The following MGAT4C variants were observed in gnomAD, a reference collection of about 807,000 sequenced individuals.
MGAT4C encodes the protein alpha-1,3-mannosyl-glycoprotein 4-beta-N-acetylglucosaminyltransferase C.
A neutral mutation model predicts 40.1 loss-of-function variants in MGAT4C; 19 were observed. The observed-to-expected ratio is 0.47, with a 90% CI of 0.33 to 0.70. The LOEUF is 0.70. MGAT4C is among the 30% of genes least tolerant of loss of function. The pLI, the probability that MGAT4C is intolerant of heterozygous loss-of-function variation, is 0.02. For synonymous variants in MGAT4C, 181 were observed against 187.1 expected (o/e 0.97, Z 0.27); for missense variants, 491 against 563.2 (o/e 0.87, Z 1.30).
intron 2 of MGAT4C, among the ~76,000 whole-genome samples, chr12:86,501,895 A>G (rs1323519472): frequency 6.6e-6 from 1 of 152,050 alleles, no homozygotes; most frequent in Non-Finnish European, 1.5e-5. Context: ...CTATTTCTAA[A>G]TCTTCGAGGA....
At chr12:86,083,691 C>A (rs1018395923) in intron 1 of MGAT4C, among the ~76,000 whole-genome samples, 1 of 152,026 alleles carries the variant, frequency 6.6e-6, no homozygotes, top group African/African-American at 2.4e-5. Flanking sequence ...TCAACATATC[C>A]TGGCTTATCA....
chr12:86,179,176 G>T (rs1887829677), intron 1 of MGAT4C, among the ~76,000 whole-genome samples: 1 of 152,132 alleles, frequency 6.6e-6, no homozygotes, highest in Middle Eastern at 3.2e-3. Context: ...GATCTGATGG[G>T]TTTATCAGGG....
At chr12:86,748,700 C>A (rs1356502526) in intron 1 of MGAT4C, among the ~76,000 whole-genome samples, 5 of 151,282 alleles carry the variant, frequency 3.3e-5, no homozygotes, top group Non-Finnish European at 7.4e-5. Flanking sequence ...AATTGAGTAT[C>A]CATAGAGACT....
At chr12:86,799,788 T>C (rs1016705614) in intron 1 of MGAT4C, among the ~76,000 whole-genome samples, 2 of 151,902 alleles carry the variant, frequency 1.3e-5, no homozygotes, top group African/African-American at 4.8e-5. Flanking sequence ...GTCATCAGAC[T>C]ATTAAGAACC....
intron 3 of MGAT4C, among the ~76,000 whole-genome samples, chr12:86,396,684 G>A (rs1435552772): frequency 6.6e-6 from 1 of 152,114 alleles, no homozygotes; most frequent in East Asian, 1.9e-4. Context: ...GGGGCAGGGA[G>A]TGACAAAGAT....
At chr12:86,012,724 C>T (rs994890841) in intron 2 of MGAT4C, among the ~76,000 whole-genome samples, 19 of 151,310 alleles carry the variant, frequency 1.3e-4, no homozygotes, top group African/African-American at 4.1e-4. Context: ...TGCACTGCAG[C>T]CTGGGCAGCA....
intron 2 of MGAT4C, among the ~76,000 whole-genome samples, chr12:86,554,837 T>C (rs539205541): frequency 6.6e-6 from 1 of 152,266 alleles, no homozygotes; most frequent in South Asian, 2.1e-4. Flanking sequence ...GAGTCTGAAA[T>C]GAGTCTTACT....
Position 86,298,762 on chromosome 12 carries a change from G to C in MGAT4C, c.-57+35303C>G, listed in dbSNP as rs185378330. On this transcript the variant is annotated intron_variant, in intron 4 of 7. Coordinates refer to the MGAT4C transcript ENST00000548651. ...TAATCATGGTAATCTATTTATTCTG[G>C]AAGTCAACTAGTAGACTGTAAGCAA... Among the ~76,000 whole-genome samples, 360 of 152,080 alleles carry C rather than the reference G, an allele frequency of 2.4e-3. 5 individuals carry two copies. The highest frequency in any genetic ancestry group is 8.4e-3 in the African/African-American group (347 of 41,492).
chr12:86,437,553 A>G (rs1957157431), intron 2 of MGAT4C, among the ~76,000 whole-genome samples: 1 of 151,932 alleles, frequency 6.6e-6, no homozygotes, highest in Admixed American at 6.6e-5. Flanking sequence ...TCTCTTTACA[A>G]ATACAAGAAC....
intron 1 of MGAT4C, among the ~76,000 whole-genome samples, chr12:86,795,203 A>G (rs1299209978): frequency 6.6e-6 from 1 of 151,956 alleles, no homozygotes; most frequent in Non-Finnish European, 1.5e-5. Context: ...ATTATATTCT[A>G]ATTACAATCT....
chr12:86,769,268 T>G (rs1951582417), intron 1 of MGAT4C, among the ~76,000 whole-genome samples: 1 of 151,892 alleles, frequency 6.6e-6, no homozygotes, highest in South Asian at 2.1e-4. Flanking sequence ...CATGAAAAAA[T>G]GCTCACCATC....
chr12:86,356,589 G>A (rs1032911139), intron 3 of MGAT4C, among the ~76,000 whole-genome samples: 3 of 152,172 alleles, frequency 2.0e-5, no homozygotes, highest in African/African-American at 7.2e-5. Context: ...AGCCGTGACA[G>A]ATGGTACCTG....
intron 2 of MGAT4C, among the ~76,000 whole-genome samples, chr12:86,460,220 G>C (rs1957577782): frequency 6.6e-6 from 1 of 152,072 alleles, no homozygotes; most frequent in South Asian, 2.1e-4. Flanking sequence ...AGTTGTGAGT[G>C]GTAAAACAGC....
At chr12:86,427,769 CCA>C (rs1956957347) in intron 3 of MGAT4C, among the ~76,000 whole-genome samples, 1 of 152,040 alleles carries the variant, frequency 6.6e-6, no homozygotes, top group South Asian at 2.1e-4. Context: ...GCCTGTTATC[CCA>C]GCACTCTGGG....
intron 4 of MGAT4C, among the ~76,000 whole-genome samples, chr12:86,275,462 T>G (rs1451475903): frequency 6.6e-6 from 1 of 152,214 alleles, no homozygotes; most frequent in East Asian, 1.9e-4. Context: ...AGTTGGATAA[T>G]GACCCCCGAA....
At chr12:86,325,430 A>G (rs1404027276) in intron 4 of MGAT4C, among the ~76,000 whole-genome samples, 2 of 152,222 alleles carry the variant, frequency 1.3e-5, no homozygotes, top group African/African-American at 2.4e-5. Context: ...TAAGTGTACA[A>G]TATAATATTG....
At chr12:86,309,455 T>C (rs951432200) in intron 4 of MGAT4C, among the ~76,000 whole-genome samples, 1 of 152,210 alleles carries the variant, frequency 6.6e-6, no homozygotes, top group African/African-American at 2.4e-5. Flanking sequence ...TGCTGCATCA[T>C]AACATAGTGG....
intron 4 of MGAT4C, among the ~76,000 whole-genome samples, chr12:86,289,821 G>A (rs1953459488): frequency 1.3e-5 from 2 of 152,126 alleles, no homozygotes; most frequent in Non-Finnish European, 2.9e-5. Context: ...GGTTTTTACT[G>A]TTGAGGAAAT....
chr12:86,136,564 C>A (rs1173741615), intron 1 of MGAT4C, among the ~76,000 whole-genome samples: 3 of 152,178 alleles, frequency 2.0e-5, no homozygotes, highest in African/African-American at 7.2e-5. Context: ...GGTCAATTAA[C>A]ATCTGATAGG....
Sources: gnomAD v4.1 joint callset for allele counts (sites outside exome capture counted in the v4.1 genomes callset) on GRCh38, gnomAD v4.1.1 for gene constraint, MANE v1.5 for transcripts, NCBI Gene and HGNC (gene_info 2026-07-23, HGNC 2026-07-21) for gene names.